The following TMEM230 variants were observed in gnomAD, a reference collection of about 807,000 sequenced individuals.
TMEM230 encodes the protein UPF0414 transmembrane protein C20orf30.
TMEM230 carries 10 observed loss-of-function variants against 15.8 expected under a neutral mutation model. The observed-to-expected ratio is 0.63, with a 90% CI of 0.39 to 1.07. The LOEUF (loss-of-function observed/expected upper bound fraction) is 1.07, where lower values mean the gene tolerates loss of function less well. Ranked by LOEUF, TMEM230 falls within the 50% of genes least tolerant of loss-of-function variation. The pLI is 0.01. For synonymous variants in TMEM230, 67 were observed against 76.9 expected (o/e 0.87, Z 0.68); for missense variants, 165 against 193.3 (o/e 0.85, Z 0.87).
chr20:5,063,234 T>C (rs2088622635), downstream of TMEM230, among the ~76,000 whole-genome samples: 2 of 144,110 alleles, frequency 1.4e-5, no homozygotes, highest in African/African-American at 5.1e-5. Context: ...TGCATAATCC[T>C]CCTCCATCCC....
chr20:5,112,877 G>A, intron 1 of TMEM230, 84 bp downstream of exon 1: 1 of 1,548,136 alleles, frequency 6.5e-7, no homozygotes, highest in East Asian at 2.4e-5. Context: ...CTCGGAGCTT[G>A]ATTTCGGCGG....
chr20:5,104,309 C>T (rs1380106943), intron 4 of TMEM230, among the ~76,000 whole-genome samples: 1 of 152,200 alleles, frequency 6.6e-6, no homozygotes, highest in Non-Finnish European at 1.5e-5. Context: ...ATCCTCCTGC[C>T]TCGGCCTCCA....
downstream of TMEM230, among the ~76,000 whole-genome samples, chr20:5,099,282 A>G (rs940300438): frequency 6.6e-6 from 1 of 152,002 alleles, no homozygotes; most frequent in African/African-American, 2.4e-5. Context: ...TGGTTGGCCA[A>G]AACCTTCTGA....
intron 3 of TMEM230, among the ~76,000 whole-genome samples, chr20:5,073,050 G>A (rs1053180366): frequency 2.6e-5 from 4 of 151,996 alleles, no homozygotes; most frequent in African/African-American, 9.7e-5. Flanking sequence ...GGCAGGTCAG[G>A]GAAAAGGAGA....
intron 3 of TMEM230, among the ~76,000 whole-genome samples, chr20:5,090,971 T>C (rs1052627161): frequency 1.3e-5 from 2 of 152,056 alleles, no homozygotes; most frequent in African/African-American, 4.8e-5. Context: ...GAAAGAGGGG[T>C]TGCCAAGAAC....
chr20:5,100,039 T>A lies in TMEM230; in HGVS notation c.*752A>T. ...TACTACAAGGTGCTAGCAATACGGC[T>A]ATAAACTCTAAATAATAACCACTAC... is the stretch of plus-strand genomic sequence containing the variant. On this transcript the variant is annotated 3_prime_UTR_variant, in exon 5 of 5. Coordinates refer to ENST00000342308, the MANE Select transcript of TMEM230 (RefSeq NM_001009923.2). 1.0e-6 allele frequency: 1 copy of A among 985,402 alleles called. No individual in the cohort carries two copies. The allele number at this position is 985,402 out of a possible 1,614,324, so 61.0% of individuals were successfully genotyped here. A position where few individuals can be genotyped will look rare whatever the true frequency, so the allele number is the denominator to read the frequency against.
chr20:5,090,441 C>T (rs1252690084), intron 3 of TMEM230, among the ~76,000 whole-genome samples: 1 of 152,184 alleles, frequency 6.6e-6, no homozygotes, highest in Non-Finnish European at 1.5e-5. Flanking sequence ...ACTACAGTCA[C>T]TTCCTCCCCT....
chr20:5,079,364 T>A (rs1286153958), intron 3 of TMEM230, among the ~76,000 whole-genome samples: 1 of 152,378 alleles, frequency 6.6e-6, no homozygotes, highest in Non-Finnish European at 1.5e-5. Context: ...ATTATATTAA[T>A]CTTTTATTTC....
At chr20:5,101,072 G>T in intron 4 of TMEM230, 141 bp from the exon 4 acceptor site, 2 of 1,035,698 alleles carry the variant, frequency 1.9e-6, no homozygotes, top group Admixed American at 7.1e-5. Flanking sequence ...AAGGGAAAAG[G>T]TTTCCTCCTG....
chr20:5,072,022 A>T (rs2088844608), intron 3 of TMEM230, among the ~76,000 whole-genome samples: 1 of 151,632 alleles, frequency 6.6e-6, no homozygotes, highest in African/African-American at 2.4e-5. Flanking sequence ...AAGTGCTGAG[A>T]TTACAGGTGT....
In TMEM230 at chr20:5,106,690, A is replaced by G. The variant is rs543393821; in HGVS notation, c.289-380T>C. Among the ~76,000 whole-genome samples, 4 of 152,256 alleles carry G rather than the reference A, an allele frequency of 2.6e-5. No homozygotes were observed. The South Asian group carries it at 6.2e-4, about 24-fold the overall frequency. On this transcript the variant is annotated intron_variant, in intron 3 of 4. Transcript: ENST00000342308. ...CCAAAGTGCTGGCATTACAGGCGTG[A>G]GCCACCGCGCCCGGCCTAATTTTTA...
In TMEM230 at chr20:5,109,385, T is replaced by C; in HGVS notation, c.235A>G (p.Lys79Glu). 2 of 1,613,838 alleles carry C rather than the reference T, an allele frequency of 1.2e-6. No homozygotes were observed. The highest frequency in any genetic ancestry group is 2.7e-5 in the African/African-American group (2 of 75,050). Residue 79 changes from lysine (K) to glutamate (E), a missense_variant, in exon 3 of 5, where the codon AAA becomes GAA. Coordinates refer to ENST00000342308, the MANE Select transcript of TMEM230 (RefSeq NM_001009923.2). ...CTGGAGAGCCTTGAATATTTCACTTTACTACTGGGGATTCCAGTAGCCAGG... is the reference window on the plus strand; with the variant it reads ...CTGGAGAGCCTTGAATATTTCACTTCACTACTGGGGATTCCAGTAGCCAGG...
the TMEM230 span, among the ~76,000 whole-genome samples, chr20:5,059,663 G>A: frequency 6.6e-6 from 1 of 151,568 alleles, no homozygotes; most frequent in South Asian, 2.1e-4. Context: ...AGGCTGGAGT[G>A]CAGTGGCTTG....
At chr20:5,084,797 G>A (rs1197116345) in intron 3 of TMEM230, among the ~76,000 whole-genome samples, 1 of 152,212 alleles carries the variant, frequency 6.6e-6, no homozygotes, top group African/African-American at 2.4e-5. Context: ...GCCTCCCAAA[G>A]TGTTGGGATT....
intron 4 of TMEM230, among the ~76,000 whole-genome samples, chr20:5,103,337 A>G (rs1354715325): frequency 6.6e-6 from 1 of 152,006 alleles, no homozygotes; most frequent in Non-Finnish European, 1.5e-5. Context: ...GGTGACTCAC[A>G]CCTGTAACTC....
chr20:5,077,528 G>A (rs1371985099), intron 3 of TMEM230, among the ~76,000 whole-genome samples: 4 of 134,932 alleles, frequency 3.0e-5, no homozygotes, highest in Admixed American at 7.3e-5. Flanking sequence ...GCAAAATCCC[G>A]TCTCTACTAA....
chr20:5,070,855 C>T (rs570440900), intron 3 of TMEM230, among the ~76,000 whole-genome samples: 1 of 152,198 alleles, frequency 6.6e-6, no homozygotes, highest in Non-Finnish European at 1.5e-5. Flanking sequence ...TAGCCTTGAC[C>T]TGTTGCACTC....
chr20:5,061,730 G>T, the TMEM230 span, among the ~76,000 whole-genome samples: 1 of 152,138 alleles, frequency 6.6e-6, no homozygotes, highest in African/African-American at 2.4e-5. Context: ...CCCACTGAGA[G>T]GATGGAGCAA....
At chr20:5,065,094 A>G (rs2088639310), downstream of TMEM230, among the ~76,000 whole-genome samples, 1 of 152,108 alleles carries the variant, frequency 6.6e-6, no homozygotes, top group African/African-American at 2.4e-5. Context: ...GATGAAAAAT[A>G]TAGGAAGGCA....
Sources: allele counts gnomAD v4.1 joint callset (sites outside exome capture counted in the v4.1 genomes callset), GRCh38; gene constraint gnomAD v4.1.1; transcripts MANE v1.5; gene names NCBI Gene and HGNC (gene_info 2026-07-23, HGNC 2026-07-21).